PACS2: variants seen among roughly 807,000 people sequenced by gnomAD.
PACS2 encodes phosphofurin acidic cluster sorting protein 2, also known as PACS1-like protein.
Under a neutral mutation model 113.0 loss-of-function variants are expected in PACS2, and 36 were observed. That is an observed-to-expected ratio of 0.32 (90% confidence interval 0.24 to 0.42). The LOEUF (loss-of-function observed/expected upper bound fraction) is 0.42, where lower values mean the gene tolerates loss of function less well. Ranked by LOEUF, PACS2 falls within the 10% of genes least tolerant of loss-of-function variation. PACS2 has a pLI of 1.00. For synonymous variants in PACS2, 589 were observed against 536.1 expected (o/e 1.10, Z -1.36); for missense variants, 1,015 against 1,239.5 (o/e 0.82, Z 2.72).
chr14:105,317,597 A>G lies in PACS2; in HGVS notation c.119+2560A>G, dbSNP rs1399788161. Reference sequence around the variant, plus strand: ...CCATTTGTACTTCCTTGTCAGTGAAATTCCTGTTCCTTTGCCAGTTTTTTT... The same window carrying G: ...CCATTTGTACTTCCTTGTCAGTGAAGTTCCTGTTCCTTTGCCAGTTTTTTT... On this transcript the variant is annotated intron_variant, in intron 1 of 24. Coordinates refer to ENST00000447393, the MANE Select transcript of PACS2 (RefSeq NM_001100913.3). The surrounding 1 kb of genome is among the most constrained non-coding windows in gnomAD (Gnocchi z 4.2). Among the ~76,000 whole-genome samples the G allele has an allele frequency of 2.0e-5, 3 of 151,524 alleles. No homozygotes were observed. Among genetic ancestry groups the G allele is most frequent in the African/African-American group, 7.3e-5 (3 of 41,112 alleles).
chr14:105,393,615 G>A (rs1417784483), intron 24 of PACS2: 1 of 340,178 alleles, frequency 2.9e-6, no homozygotes, highest in Admixed American at 5.0e-5. Context: ...TTGAGACAGA[G>A]TTTTGCTCTT....
chr14:105,306,453 G>A (rs979877971), intron 1 of PACS2, among the ~76,000 whole-genome samples: 1 of 152,164 alleles, frequency 6.6e-6, no homozygotes, highest in Non-Finnish European at 1.5e-5. Flanking sequence ...ACAGGTGCAT[G>A]CCACCATGCC....
rs893553416 is a variant in PACS2 at position 105,398,133 on chromosome 14, C to T, written c.*3461C>T. 6 of 152,184 alleles carry T rather than the reference C, an allele frequency of 3.9e-5. No homozygotes were observed. Among genetic ancestry groups the T allele is most frequent in the Admixed American group, 2.0e-4 (3 of 15,288 alleles). 9.4% of individuals were successfully genotyped at this position (152,184 alleles called of 1,614,324 possible). On this transcript the variant is annotated 3_prime_UTR_variant, in exon 25 of 25. Coordinates refer to ENST00000447393, the MANE Select transcript of PACS2 (RefSeq NM_001100913.3). ...AAGGTGCTGATGCAACACTAATAAA[C>T]CTGGAGGGGCCGGCCCCCGCCTGCA...
At chr14:105,377,896 G>A (rs587754056) in intron 9 of PACS2, among the ~76,000 whole-genome samples, 1 of 152,330 alleles carries the variant, frequency 6.6e-6, no homozygotes, top group African/African-American at 2.4e-5. Flanking sequence ...TGCCCTGACT[G>A]GGGCTCCGAG....
chr14:105,310,035 C>T (rs892103456), upstream of PACS2, among the ~76,000 whole-genome samples: 63 of 151,740 alleles, frequency 4.2e-4, 1 homozygote, highest in African/African-American at 7.2e-4. Flanking sequence ...CCACCCGCCT[C>T]GGCCTCCCAA....
chr14:105,362,719 C>T (rs868944496), intron 4 of PACS2, among the ~76,000 whole-genome samples: 5 of 151,938 alleles, frequency 3.3e-5, no homozygotes, highest in Admixed American at 6.6e-5. Flanking sequence ...GGCGTGGTGG[C>T]GGGCCCCTGT....
At chr14:105,383,767 T>A (rs2081076667) in intron 16 of PACS2, 1 of 489,532 alleles carries the variant, frequency 2.0e-6, no homozygotes, top group African/African-American at 2.0e-5. Flanking sequence ...AAAACAGCCA[T>A]TTGGGTCAAG....
chr14:105,360,430 G>T (rs1268334700), intron 4 of PACS2, among the ~76,000 whole-genome samples: 4 of 151,690 alleles, frequency 2.6e-5, no homozygotes, highest in Non-Finnish European at 5.9e-5. Flanking sequence ...TGTAATCCCA[G>T]CTACTAGGGA....
At chr14:105,370,283 C>A (rs2061102666) in intron 8 of PACS2, 1 of 154,016 alleles carries the variant, frequency 6.5e-6, no homozygotes. Context: ...GACAGCCCCC[C>A]ACTATTGACA....
chr14:105,384,136 T>G, intron 16 of PACS2: 1 of 545,920 alleles, frequency 1.8e-6, no homozygotes, highest in Non-Finnish European at 3.3e-6. Context: ...CTCAGGGCTC[T>G]GGGACCTCAG....
At chr14:105,382,654 C>A in intron 14 of PACS2, 73 bp downstream of exon 14, 2 of 1,046,330 alleles carry the variant, frequency 1.9e-6, no homozygotes, top group African/African-American at 1.6e-5. Flanking sequence ...AAGCTGCCCC[C>A]TACCCGGCAC....
intron 4 of PACS2, among the ~76,000 whole-genome samples, chr14:105,359,160 G>T (rs1162864466): frequency 6.6e-6 from 1 of 151,878 alleles, no homozygotes; most frequent in Admixed American, 6.6e-5. Context: ...GCGGCGGTGC[G>T]TGGTGACCTC....
intron 1 of PACS2, among the ~76,000 whole-genome samples, chr14:105,326,735 C>A (rs1030430184): frequency 2.6e-5 from 4 of 152,174 alleles, no homozygotes; most frequent in Non-Finnish European, 5.9e-5. Context: ...CCGTGAAGAC[C>A]CACCCTGAGG....
intron 22 of PACS2, chr14:105,391,998 C>T (rs1555415042): frequency 1.8e-6 from 1 of 551,824 alleles, no homozygotes; most frequent in Non-Finnish European, 3.2e-6. Context: ...AGTGAATAAA[C>T]ATGGGCGTTG....
intron 24 of PACS2, 52 bp from the exon 25 acceptor site, chr14:105,394,502 G>A: frequency 1.2e-6 from 2 of 1,603,180 alleles, no homozygotes; most frequent in South Asian, 2.2e-5. Flanking sequence ...CAGGTGGATA[G>A]GGTGGGCAGG....
In PACS2 at chr14:105,356,891, C is replaced by G. The variant is rs996080909; in HGVS notation, c.423+1714C>G. Among the ~76,000 whole-genome samples the G allele has an allele frequency of 1.4e-5, 2 of 143,578 alleles. No homozygotes were observed. Among genetic ancestry groups the G allele is most frequent in the Non-Finnish European group, 3.0e-5 (2 of 67,544 alleles). 94.2% of individuals were successfully genotyped at this position (143,578 alleles called of 152,430 possible). ...GCCATTCAGGCGATGTCCTGCTGAT[C>G]CCTGCTGGTCCCTGTGTTTCCCATT... On this transcript the variant is annotated intron_variant, in intron 4 of 24. Transcript: ENST00000447393. The surrounding 1 kb of genome is among the most constrained non-coding windows in gnomAD (Gnocchi z 4.0).
chr14:105,362,342 T>C lies in PACS2; in HGVS notation c.424-4871T>C, dbSNP rs1377142892. On this transcript the variant is annotated intron_variant, in intron 4 of 24. Coordinates refer to ENST00000447393, the MANE Select transcript of PACS2 (RefSeq NM_001100913.3). ...CTGAGGCAGGAGAATGGTGTGAACCTGGAGGTGGAGCTTGCAGTGAGCCGA... is the reference window on the plus strand; with the variant it reads ...CTGAGGCAGGAGAATGGTGTGAACCCGGAGGTGGAGCTTGCAGTGAGCCGA... Among the ~76,000 whole-genome samples the C allele has an allele frequency of 4.1e-5, 6 of 145,208 alleles. No individual in the cohort carries two copies. In the South Asian group the frequency reaches 1.3e-3, roughly 31 times the overall value.
chr14:105,368,504 CGGA>C lies in PACS2; in HGVS notation c.708_710del (p.Arg237del). 3 of 1,614,008 alleles carry C rather than the reference CGGA, an allele frequency of 1.9e-6. No homozygotes were observed. Among genetic ancestry groups the C allele is most frequent in the Non-Finnish European group, 2.5e-6 (3 of 1,179,934 alleles). ...TGACGTGGGGAAGCCGAAGAAGCAG[CGGA>C]GATCGATTGTAAGAACGACGTCCAT... On this transcript the variant is annotated inframe_deletion, in exon 7 of 25. Transcript: ENST00000447393.
Position 105,396,798 on chromosome 14 carries a change from C to G in PACS2, c.*2126C>G, listed in dbSNP as rs903693578. ...GATTACAGGCGTGAGTCACCGCGTC[C>G]TGCCTGCTCTTCCTGTTTCTTTCCC... On this transcript the variant is annotated 3_prime_UTR_variant, in exon 25 of 25. Transcript: ENST00000447393. 6.6e-6 allele frequency: 1 copy of G among 152,378 alleles called. No homozygotes were observed. Among genetic ancestry groups the G allele is most frequent in the African/African-American group, 2.4e-5 (1 of 41,436 alleles). The allele number at this position is 152,378 out of a possible 1,614,324, so 9.4% of individuals were successfully genotyped here.
Sources: gnomAD v4.1 joint callset for allele counts (sites outside exome capture counted in the v4.1 genomes callset) on GRCh38, gnomAD v4.1.1 for gene constraint, Gnocchi (gnomAD v3.1) non-coding constraint, MANE v1.5 for transcripts, NCBI Gene and HGNC (gene_info 2026-07-23, HGNC 2026-07-21) for gene names.